ZSCAN25: variants seen among roughly 807,000 people sequenced by gnomAD.
ZSCAN25 encodes zinc finger and SCAN domain containing 25, also known as zinc finger and SCAN domain-containing protein 25.
A neutral mutation model predicts 38.7 loss-of-function variants in ZSCAN25; 27 were observed. The observed-to-expected ratio is 0.70, with a 90% CI of 0.51 to 0.96. ZSCAN25 has a LOEUF of 0.96. Ranked by LOEUF, ZSCAN25 falls within the 40% of genes least tolerant of loss-of-function variation. ZSCAN25 has a pLI of 0.00. For missense variants in ZSCAN25, 637 were observed against 705.9 expected, an observed-to-expected ratio of 0.90 and a Z score of 1.11; for synonymous variants, 273 against 277.7, an observed-to-expected ratio of 0.98 and a Z score of 0.17.
the ZSCAN25 span, among the ~76,000 whole-genome samples, chr7:99,694,036 C>G: frequency 6.6e-6 from 1 of 152,150 alleles, no homozygotes; most frequent in African/African-American, 2.4e-5. Flanking sequence ...TGAATTTTCT[C>G]AAAGTGCTGT....
the ZSCAN25 span, among the ~76,000 whole-genome samples, chr7:99,676,890 CTG>C: frequency 1.3e-5 from 2 of 152,110 alleles, no homozygotes; most frequent in Non-Finnish European, 2.9e-5. Flanking sequence ...ACCTCAGTCT[CTG>C]TGGTCAGATG....
the ZSCAN25 span, among the ~76,000 whole-genome samples, chr7:99,655,987 G>A: frequency 3.9e-3 from 600 of 152,258 alleles, 3 homozygotes; most frequent in African/African-American, 0.013. Context: ...GGGCTGAGAC[G>A]ATGGGGTTTT....
At chr7:99,638,988 G>A in the ZSCAN25 span, among the ~76,000 whole-genome samples, 2 of 152,248 alleles carry the variant, frequency 1.3e-5, no homozygotes, top group African/African-American at 2.4e-5. Context: ...CGGAGTCTGC[G>A]CTGGGAGCCG....
the ZSCAN25 span, among the ~76,000 whole-genome samples, chr7:99,722,809 G>T: frequency 6.6e-6 from 1 of 152,138 alleles, no homozygotes; most frequent in Admixed American, 6.6e-5. Flanking sequence ...AATTCTAGCA[G>T]AATTAGAAAG....
At chr7:99,707,912 G>C in the ZSCAN25 span, 1 of 1,613,996 alleles carries the variant, frequency 6.2e-7, no homozygotes, top group Non-Finnish European at 8.5e-7. Flanking sequence ...GCAGTTTCTG[G>C]GTCCACTTCC....
At chr7:99,666,525 G>A in the ZSCAN25 span, 63 of 1,452,300 alleles carry the variant, frequency 4.3e-5, 1 homozygote, top group Non-Finnish European at 5.6e-5. Flanking sequence ...ACCCAACAGT[G>A]CGACTGTCGA....
intron 7 of ZSCAN25, among the ~76,000 whole-genome samples, chr7:99,624,830 G>A (rs1053711692): frequency 3.9e-5 from 6 of 152,336 alleles, no homozygotes; most frequent in African/African-American, 7.2e-5. Flanking sequence ...CCAGCAGAGC[G>A]CACTGCGGGG....
chr7:99,723,185 C>T, the ZSCAN25 span, among the ~76,000 whole-genome samples: 7 of 152,130 alleles, frequency 4.6e-5, no homozygotes, highest in African/African-American at 1.7e-4. Flanking sequence ...ATGGGTACAT[C>T]CAGATGGCCT....
chr7:99,710,767 C>T, the ZSCAN25 span: 1 of 1,613,784 alleles, frequency 6.2e-7, no homozygotes, highest in Non-Finnish European at 8.5e-7. Context: ...TCCTTCTGCA[C>T]TTTCTGCTGG....
chr7:99,699,333 G>T, the ZSCAN25 span, among the ~76,000 whole-genome samples: 2 of 151,956 alleles, frequency 1.3e-5, no homozygotes, highest in Non-Finnish European at 2.9e-5. Flanking sequence ...TGACAGGGTG[G>T]AGGAGTGAGT....
the ZSCAN25 span, chr7:99,647,322 C>T: frequency 4.8e-6 from 1 of 209,792 alleles, no homozygotes; most frequent in Non-Finnish European, 8.3e-6. Flanking sequence ...TCTTGTCCAC[C>T]TTAATGTGTG....
chr7:99,714,562 G>T, the ZSCAN25 span: 1 of 1,612,546 alleles, frequency 6.2e-7, no homozygotes, highest in Admixed American at 1.7e-5. Context: ...TACCTTTTGT[G>T]TCTCTTTGAG....
the ZSCAN25 span, among the ~76,000 whole-genome samples, chr7:99,644,130 C>G: frequency 6.6e-6 from 1 of 152,092 alleles, no homozygotes; most frequent in Non-Finnish European, 1.5e-5. Context: ...TCATTGTCAC[C>G]GTCACCATCA....
the ZSCAN25 span, among the ~76,000 whole-genome samples, chr7:99,704,740 G>A: frequency 6.6e-6 from 1 of 152,090 alleles, no homozygotes; most frequent in Non-Finnish European, 1.5e-5. Context: ...CAGGCAGGTG[G>A]ATCATAAGGT....
the ZSCAN25 span, chr7:99,663,178 C>T: frequency 5.3e-6 from 6 of 1,130,400 alleles, no homozygotes; most frequent in South Asian, 2.5e-5. Context: ...AAAGAGTTGC[C>T]GGTTCCATCT....
At chr7:99,712,558 A>G in the ZSCAN25 span, among the ~76,000 whole-genome samples, 2 of 152,078 alleles carry the variant, frequency 1.3e-5, no homozygotes, top group African/African-American at 4.8e-5. Context: ...ACAGTAGGCT[A>G]TTTCCTTTAT....
downstream of ZSCAN25, among the ~76,000 whole-genome samples, chr7:99,635,153 G>GT (rs79324427): frequency 0.09 from 12,663 of 140,396 alleles, 999 homozygotes; most frequent in East Asian, 0.29. Context: ...GTCCTGGTTG[G>GT]TTTTTTTTTT....
chr7:99,656,780 A>C, the ZSCAN25 span, among the ~76,000 whole-genome samples: 1 of 152,110 alleles, frequency 6.6e-6, no homozygotes, highest in East Asian at 1.9e-4. Context: ...GTCTATTCAG[A>C]GTTTCAACTT....
At chr7:99,677,563 C>T in the ZSCAN25 span, among the ~76,000 whole-genome samples, 2 of 152,152 alleles carry the variant, frequency 1.3e-5, no homozygotes, top group African/African-American at 4.8e-5. Context: ...GTATAGGTTC[C>T]AAACATTTTG....
Sources: gnomAD v4.1 joint callset for allele counts (sites outside exome capture counted in the v4.1 genomes callset) on GRCh38, gnomAD v4.1.1 for gene constraint, MANE v1.5 for transcripts, NCBI Gene and HGNC (gene_info 2026-07-23, HGNC 2026-07-21) for gene names.